EPHX4: variants seen among roughly 807,000 people sequenced by gnomAD.
EPHX4 encodes epoxide hydrolase 4, also known as abhydrolase domain containing 7.
EPHX4 carries 31 observed loss-of-function variants against 44.9 expected under a neutral mutation model. That is an observed-to-expected ratio of 0.69 (90% CI 0.52 to 0.93). EPHX4 has a LOEUF of 0.93. Among genes scored for constraint, EPHX4 ranks in the 40% least tolerant of loss-of-function variants. EPHX4 has a pLI of 0.00. For synonymous variants in EPHX4, 151 were observed against 159.7 expected, an observed-to-expected ratio of 0.95 and a Z score of 0.41; for missense variants, 373 against 438.1, an observed-to-expected ratio of 0.85 and a Z score of 1.33.
chr1:92,051,317 T>C (rs1245838072), intron 5 of EPHX4, among the ~76,000 whole-genome samples: 2 of 152,108 alleles, frequency 1.3e-5, no homozygotes, highest in Admixed American at 6.5e-5. Context: ...TATCATTTAA[T>C]ACCCATTCAA....
chr1:92,030,245 C>T lies in EPHX4; in HGVS notation c.166C>T (p.Arg56Trp), dbSNP rs769052940. Reference protein sequence around the residue: ...GPAQTFRRPAREHPPACLSDP... With the variant: ...GPAQTFRRPAWEHPPACLSDP... ...GGCGCAGACCTTCCGGCGGCCCGCC[C>T]GGGAGCACCCTCCCGCGTGCCTGAG... Residue 56 changes from arginine (R) to tryptophan (W), a missense_variant, in exon 1 of 7, where the codon CGG becomes TGG. By Grantham distance (101) the Arg-to-Trp change is moderately radical. Coordinates refer to ENST00000370383, the MANE Select transcript of EPHX4 (RefSeq NM_173567.5). 5 of 1,603,158 alleles carry T rather than the reference C, an allele frequency of 3.1e-6. No individual in the cohort carries two copies. The highest frequency in any genetic ancestry group is 4.3e-6 in the Non-Finnish European group (5 of 1,175,188).
chr1:92,037,820 A>G (rs1688462330), intron 2 of EPHX4, among the ~76,000 whole-genome samples: 1 of 152,208 alleles, frequency 6.6e-6, no homozygotes, highest in Admixed American at 6.5e-5. Flanking sequence ...AAAAAAGGCA[A>G]TGTGGATGAA....
rs181273953 is a variant in EPHX4 at position 92,062,210 on chromosome 1, A to C, written c.858-845A>C. On this transcript the variant is annotated intron_variant, in intron 6 of 6. Transcript: ENST00000370383. ...CATCAGATTATCTAGGAACAATTTAAAATAAAGCTAAACAGTAACATATAA... is the reference window on the plus strand; with the variant it reads ...CATCAGATTATCTAGGAACAATTTACAATAAAGCTAAACAGTAACATATAA... 4.1e-4 allele frequency among the ~76,000 whole-genome samples: 62 copies of C among 152,292 alleles called. No homozygotes were observed. In the East Asian group the frequency reaches 7.5e-3, roughly 18 times the overall value.
At chr1:92,031,132 A>T (rs1156559431) in intron 1 of EPHX4, among the ~76,000 whole-genome samples, 9 of 152,190 alleles carry the variant, frequency 5.9e-5, no homozygotes, top group Admixed American at 2.6e-4. Context: ...CCGCAGCTGA[A>T]GTTCAGAAGG....
intron 5 of EPHX4, 71 bp from the exon 6 acceptor site, chr1:92,052,439 C>T: frequency 6.9e-7 from 1 of 1,450,960 alleles, no homozygotes; most frequent in Non-Finnish European, 9.3e-7. Context: ...CATCCCCTTT[C>T]CAAAGCCAAA....
intron 6 of EPHX4, among the ~76,000 whole-genome samples, chr1:92,057,694 G>A (rs955425083): frequency 4.6e-5 from 7 of 151,864 alleles, no homozygotes; most frequent in African/African-American, 1.7e-4. Flanking sequence ...CTGCCTCCCA[G>A]GTTCAAGTGA....
intron 6 of EPHX4, among the ~76,000 whole-genome samples, chr1:92,059,363 G>A (rs1288240809): frequency 2.0e-5 from 3 of 152,126 alleles, no homozygotes; most frequent in Non-Finnish European, 4.4e-5. Context: ...CTTGAACCCA[G>A]GAGGCAGAGA....
chr1:92,033,767 TGG>T (rs1344684942), intron 2 of EPHX4, among the ~76,000 whole-genome samples: 1 of 152,124 alleles, frequency 6.6e-6, no homozygotes, highest in Non-Finnish European at 1.5e-5. Flanking sequence ...TTCTGGAGAC[TGG>T]GAAATCCAAG....
intron 6 of EPHX4, among the ~76,000 whole-genome samples, chr1:92,053,527 G>A (rs189204869): frequency 4.1e-4 from 63 of 152,280 alleles, no homozygotes; most frequent in Middle Eastern, 6.8e-3. Context: ...ATGTATTAGA[G>A]AATTTTCAGA....
chr1:92,053,293 G>A (rs900528933), intron 6 of EPHX4, among the ~76,000 whole-genome samples: 1 of 152,138 alleles, frequency 6.6e-6, no homozygotes, highest in African/African-American at 2.4e-5. Flanking sequence ...GGAAGATGGA[G>A]GAGGGTTGTA....
intron 4 of EPHX4, 52 bp from the exon 5 acceptor site, chr1:92,050,265 G>A: frequency 8.9e-7 from 1 of 1,129,926 alleles, no homozygotes; most frequent in African/African-American, 1.6e-5. Context: ...TCTTCTAACA[G>A]TAAGTAATTT....
intron 6 of EPHX4, among the ~76,000 whole-genome samples, chr1:92,058,726 A>G (rs1647425960): frequency 6.6e-6 from 1 of 152,086 alleles, no homozygotes; most frequent in Admixed American, 6.6e-5. Context: ...TGCACTGGTT[A>G]TTTGCACCTG....
intron 2 of EPHX4, 78 bp from the exon 3 acceptor site, chr1:92,042,745 A>G: frequency 7.9e-7 from 1 of 1,265,670 alleles, no homozygotes; most frequent in Non-Finnish European, 1.1e-6. Context: ...AAAAAAAAAG[A>G]AAGGAAAAAG....
intron 2 of EPHX4, among the ~76,000 whole-genome samples, chr1:92,037,147 A>T (rs1019882196): frequency 6.6e-6 from 1 of 152,228 alleles, no homozygotes; most frequent in Non-Finnish European, 1.5e-5. Context: ...TTGCTTAAAT[A>T]CACATGAAAG....
chr1:92,051,697 T>C (rs1377371107), intron 5 of EPHX4, among the ~76,000 whole-genome samples: 1 of 152,200 alleles, frequency 6.6e-6, no homozygotes, highest in Non-Finnish European at 1.5e-5. Context: ...TGATACCTAC[T>C]TGGTCCAGTT....
At chr1:92,034,192 C>T (rs1179614150) in intron 2 of EPHX4, among the ~76,000 whole-genome samples, 1 of 145,068 alleles carries the variant, frequency 6.9e-6, no homozygotes, top group Non-Finnish European at 1.5e-5. Flanking sequence ...CCCAGCTACT[C>T]GGGAGGCTGA....
intron 3 of EPHX4, among the ~76,000 whole-genome samples, chr1:92,044,319 A>G (rs1219795924): frequency 1.3e-5 from 2 of 152,194 alleles, no homozygotes; most frequent in Admixed American, 6.5e-5. Flanking sequence ...AAATTTTGTG[A>G]TAATTCAGTC....
chr1:92,044,170 T>A (rs1688551433), intron 3 of EPHX4, among the ~76,000 whole-genome samples: 1 of 152,150 alleles, frequency 6.6e-6, no homozygotes, highest in Non-Finnish European at 1.5e-5. Flanking sequence ...TCTACAGTAA[T>A]CTAATGAGAG....
intron 6 of EPHX4, among the ~76,000 whole-genome samples, chr1:92,055,257 T>C (rs930584813): frequency 8.5e-5 from 13 of 152,308 alleles, no homozygotes; most frequent in African/African-American, 3.1e-4. Flanking sequence ...GAATATCAGA[T>C]TGGATTTTTA....
Sources: allele counts gnomAD v4.1 joint callset (sites outside exome capture counted in the v4.1 genomes callset), GRCh38; gene constraint gnomAD v4.1.1; transcripts MANE v1.5; gene names NCBI Gene and HGNC (gene_info 2026-07-23, HGNC 2026-07-21).